Variants in SYCP2 observed in about 807,000 individuals in gnomAD.
The protein encoded by SYCP2 is synaptonemal complex protein 2.
A neutral mutation model predicts 211.3 loss-of-function variants in SYCP2; 55 were observed. The ratio of observed to expected loss-of-function variants is 0.26; its 90% CI spans 0.21 to 0.33. The LOEUF (loss-of-function observed/expected upper bound fraction) is 0.33, where lower values mean the gene tolerates loss of function less well. Among genes scored for constraint, SYCP2 ranks in the 10% least tolerant of loss-of-function variants. SYCP2 has a pLI of 1.00. For missense variants in SYCP2, 1,731 were observed against 1,752.0 expected (o/e 0.99, Z 0.21); for synonymous variants, 570 against 555.2 (o/e 1.03, Z -0.37).
chr20:59,866,220 G>T lies in SYCP2; in HGVS notation c.4320+73C>A, dbSNP rs1409440425. The T allele has an allele frequency of 3.1e-6, 3 of 966,702 alleles. No individual in the cohort carries two copies. In the East Asian group the frequency reaches 8.1e-5, roughly 26 times the overall value. 59.9% of individuals were successfully genotyped at this position (966,702 alleles called of 1,614,324 possible). A position where few individuals can be genotyped will look rare whatever the true frequency, so the allele number is the denominator to read the frequency against. ...AGCTTTAGGATGTGCTCCCAAAAAAGAAAGTTTTTCCAAGTATAGCTCTTT... is the reference window on the plus strand; with the variant it reads ...AGCTTTAGGATGTGCTCCCAAAAAATAAAGTTTTTCCAAGTATAGCTCTTT... On this transcript the variant is annotated intron_variant, in intron 41 of 44. Transcript: ENST00000357552.
chr20:59,880,500 G>T, intron 30 of SYCP2, 29 bp from the exon 31 acceptor site: 1 of 1,332,482 alleles, frequency 7.5e-7, no homozygotes, highest in Non-Finnish European at 1.0e-6. Flanking sequence ...AATGCATGAA[G>T]AAATACTACA....
chr20:59,913,488 T>C (rs1382845832), intron 12 of SYCP2, among the ~76,000 whole-genome samples: 1 of 152,198 alleles, frequency 6.6e-6, no homozygotes, highest in Non-Finnish European at 1.5e-5. Context: ...GATTAAAATT[T>C]ATATTACACA....
At chr20:59,871,746 AG>A (rs939512804) in intron 35 of SYCP2, among the ~76,000 whole-genome samples, 4 of 151,978 alleles carry the variant, frequency 2.6e-5, no homozygotes, top group African/African-American at 9.7e-5. Flanking sequence ...AGTAATCTCT[AG>A]ATTACTTATG....
chr20:59,902,726 C>T (rs1252124935), intron 15 of SYCP2, among the ~76,000 whole-genome samples: 1 of 152,110 alleles, frequency 6.6e-6, no homozygotes, highest in Non-Finnish European at 1.5e-5. Context: ...AATATATGCT[C>T]ATAAAACTTT....
At position 59,878,056 on chromosome 20, in the gene SYCP2, GA is replaced by G. The variant is rs2059595586; in HGVS notation, c.2942-12del. The G allele has an allele frequency of 1.3e-6, 2 of 1,584,392 alleles. No homozygotes were observed. Among genetic ancestry groups the G allele is most frequent in the African/African-American group, 1.4e-5 (1 of 73,788 alleles). On this transcript the variant is annotated splice_polypyrimidine_tract_variant and intron_variant, in intron 31 of 44. Coordinates refer to ENST00000357552, the MANE Select transcript of SYCP2 (RefSeq NM_014258.4). ...TTTCCAAGGATGATCCTGTAATTCAGAAAAATAAGGTTAAATTTTCACAGTA... is the reference window on the plus strand; with the variant it reads ...TTTCCAAGGATGATCCTGTAATTCAGAAAATAAGGTTAAATTTTCACAGTA...
intron 2 of SYCP2, among the ~76,000 whole-genome samples, chr20:59,931,846 A>T (rs1255778290): frequency 6.6e-6 from 1 of 152,194 alleles, no homozygotes; most frequent in East Asian, 1.9e-4. Flanking sequence ...GCCACAATAG[A>T]GTCAAAAGCA....
chr20:59,892,718 T>C lies in SYCP2; in HGVS notation c.1794-17A>G, dbSNP rs1226703406. The C allele has an allele frequency of 3.8e-6, 6 of 1,597,420 alleles. No homozygotes were observed. The highest frequency in any genetic ancestry group is 1.8e-5 in the Admixed American group (1 of 56,814). The stretch of plus-strand genomic sequence containing the variant: ...CCAGGTAATCTAGAAAATAAATTAA[T>C]TTGCTTAATGTTACAAAACATTAGC... On this transcript the variant is annotated splice_polypyrimidine_tract_variant and intron_variant, in intron 22 of 44. Transcript: ENST00000357552.
intron 26 of SYCP2, among the ~76,000 whole-genome samples, chr20:59,883,348 CCAAACAAA>C (rs372545255): frequency 6.4e-4 from 97 of 151,876 alleles, no homozygotes; most frequent in African/African-American, 1.8e-3. Context: ...GACTCTGTCT[CCAAACAAA>C]CAAACAAACA....
intron 26 of SYCP2, among the ~76,000 whole-genome samples, chr20:59,883,555 CCAAGA>C (rs1189074731): frequency 6.6e-5 from 10 of 150,840 alleles, no homozygotes; most frequent in African/African-American, 1.2e-4. Context: ...CATGGATGAA[CCAAGA>C]CAAGAGGACA....
intron 19 of SYCP2, 71 bp downstream of exon 19, chr20:59,896,358 G>T: frequency 2.5e-6 from 2 of 803,880 alleles, no homozygotes; most frequent in African/African-American, 1.7e-5. Flanking sequence ...ATTATGTTCA[G>T]AATTGCCTTA....
intron 7 of SYCP2, among the ~76,000 whole-genome samples, chr20:59,916,958 T>C (rs899521589): frequency 6.6e-6 from 1 of 152,036 alleles, no homozygotes; most frequent in Non-Finnish European, 1.5e-5. Flanking sequence ...AAGGATATAC[T>C]ACTGCAGTTC....
intron 9 of SYCP2, 101 bp from the exon 10 acceptor site, chr20:59,915,300 G>T: frequency 2.8e-6 from 3 of 1,065,438 alleles, no homozygotes; most frequent in Non-Finnish European, 4.2e-6. Flanking sequence ...TTTACAATTG[G>T]CTAATATCAT....
At chr20:59,888,283 G>T (rs1355243544) in intron 24 of SYCP2, among the ~76,000 whole-genome samples, 1 of 151,920 alleles carries the variant, frequency 6.6e-6, no homozygotes, top group African/African-American at 2.4e-5. Flanking sequence ...ATCCTACAAT[G>T]TATAAAAAGA....
At position 59,893,023 on chromosome 20, in the gene SYCP2, C is replaced by T. The variant is rs1253882223; in HGVS notation, c.1793+119G>A. 3.5e-5 allele frequency: 26 copies of T among 751,346 alleles called. No individual in the cohort carries two copies. In the East Asian group the frequency reaches 6.3e-4, roughly 18 times the overall value. 46.5% of individuals were successfully genotyped at this position (751,346 alleles called of 1,614,324 possible). A position where few individuals can be genotyped will look rare whatever the true frequency, so the allele number is the denominator to read the frequency against. On this transcript the variant is annotated intron_variant, in intron 22 of 44. Transcript: ENST00000357552. ...AATTCCCCATTGTGCTGTCATAACA[C>T]TTGAGAGATGATTAATACTAATTCT... is the stretch of plus-strand genomic sequence containing the variant.
intron 31 of SYCP2, 83 bp downstream of exon 31, chr20:59,880,220 A>C: frequency 9.0e-7 from 1 of 1,116,814 alleles, no homozygotes; most frequent in African/African-American, 1.6e-5. Context: ...GTCTAAATAC[A>C]ATAAGCTTAT....
intron 2 of SYCP2, among the ~76,000 whole-genome samples, chr20:59,931,027 G>A (rs1030582406): frequency 2.0e-5 from 3 of 152,244 alleles, no homozygotes; most frequent in Admixed American, 6.5e-5. Flanking sequence ...AATTATGTAA[G>A]TATTTTATCA....
intron 26 of SYCP2, among the ~76,000 whole-genome samples, chr20:59,884,889 A>C (rs1202008243): frequency 6.6e-6 from 1 of 152,048 alleles, no homozygotes; most frequent in Non-Finnish European, 1.5e-5. Context: ...GCAAAAATAA[A>C]TAAAAATTTA....
intron 24 of SYCP2, among the ~76,000 whole-genome samples, chr20:59,890,239 T>C (rs956089580): frequency 6.6e-6 from 1 of 152,196 alleles, no homozygotes; most frequent in Non-Finnish European, 1.5e-5. Context: ...TGAGTTCATG[T>C]CCTTTGCTGG....
intron 14 of SYCP2, among the ~76,000 whole-genome samples, chr20:59,910,371 C>CT (rs1300245848): frequency 9.2e-4 from 110 of 119,036 alleles, no homozygotes; most frequent in African/African-American, 1.8e-3. Context: ...AGTGTAATTG[C>CT]TTATTTTTTT....
Sources: allele counts gnomAD v4.1 joint callset (sites outside exome capture counted in the v4.1 genomes callset), GRCh38; gene constraint gnomAD v4.1.1; transcripts MANE v1.5; gene names NCBI Gene and HGNC (gene_info 2026-07-23, HGNC 2026-07-21).